DLGAP2: variants seen among roughly 807,000 people sequenced by gnomAD.
The protein encoded by DLGAP2 is DLG associated protein 2.
DLGAP2 carries 26 observed loss-of-function variants against 100.3 expected under a neutral mutation model. The ratio of observed to expected loss-of-function variants is 0.26; its 90% CI spans 0.19 to 0.36. The LOEUF is 0.36. DLGAP2 is among the 10% of genes least tolerant of loss of function. DLGAP2 has a pLI of 1.00. For synonymous variants in DLGAP2, 886 were observed against 630.1 expected (o/e 1.41, Z -6.08); for missense variants, 1,858 against 1,453.2 (o/e 1.28, Z -4.53).
rs537035609 is a variant in DLGAP2 at position 1,220,492 on chromosome 8, T to G, written c.74-38359T>G. ...TGTGCTTGGTATGATTTGGGTTTAT[T>G]TCAATTTGTTGAGAATGGCTGTATG... is the stretch of plus-strand genomic sequence containing the variant. On this transcript the variant is annotated intron_variant, in intron 2 of 14. Coordinates refer to ENST00000637795, the MANE Select transcript of DLGAP2 (RefSeq NM_001346810.2). Among the ~76,000 whole-genome samples, 5 of 152,320 alleles carry G rather than the reference T, an allele frequency of 3.3e-5. No individual in the cohort carries two copies. In the East Asian group the frequency reaches 5.8e-4, roughly 18 times the overall value.
intron 3 of DLGAP2, among the ~76,000 whole-genome samples, chr8:1,311,021 G>C (rs1195940042): frequency 6.6e-6 from 1 of 151,280 alleles, no homozygotes; most frequent in Non-Finnish European, 1.5e-5. Flanking sequence ...TCAAAATATT[G>C]GCAAACCTTG....
Position 1,603,538 on chromosome 8 carries a change from C to T in DLGAP2, c.1443-23202C>T, listed in dbSNP as rs116061626. Among the ~76,000 whole-genome samples, 1,384 of 151,178 alleles carry T rather than the reference C, an allele frequency of 9.2e-3. 25 individuals are homozygous for T. The highest frequency in any genetic ancestry group is 0.032 in the African/African-American group (1,310 of 41,022). Reference sequence around the variant, plus strand: ...GCTGGTTAGAGTGGAGTCTGGGTCTCAGTTCTGCAGAGCTTGGTTAGGGTG... The same window carrying T: ...GCTGGTTAGAGTGGAGTCTGGGTCTTAGTTCTGCAGAGCTTGGTTAGGGTG... On this transcript the variant is annotated intron_variant, in intron 6 of 14. Coordinates refer to ENST00000637795, the MANE Select transcript of DLGAP2 (RefSeq NM_001346810.2).
chr8:1,102,870 T>G (rs1804630786), intron 2 of DLGAP2, among the ~76,000 whole-genome samples: 1 of 151,386 alleles, frequency 6.6e-6, no homozygotes, highest in Non-Finnish European at 1.5e-5. Context: ...TGTGAGTCTC[T>G]GGGGTCTCTG....
chr8:1,278,180 C>T (rs768489267), intron 3 of DLGAP2, among the ~76,000 whole-genome samples: 1 of 152,182 alleles, frequency 6.6e-6, no homozygotes. Flanking sequence ...GCTCTTTCTC[C>T]TCCACCAAAG....
intron 2 of DLGAP2, among the ~76,000 whole-genome samples, chr8:1,160,548 C>A (rs1796870015): frequency 6.6e-6 from 1 of 152,176 alleles, no homozygotes; most frequent in African/African-American, 2.4e-5. Flanking sequence ...GCTTTGGATG[C>A]CTTTATCTTA....
intron 3 of DLGAP2, among the ~76,000 whole-genome samples, chr8:1,408,018 A>C (rs1796620381): frequency 6.6e-6 from 1 of 152,212 alleles, no homozygotes; most frequent in Non-Finnish European, 1.5e-5. Flanking sequence ...TGGACTCAGC[A>C]CTGGATGCCA....
In DLGAP2 at chr8:951,264, A is replaced by G. The variant is rs537480956; in HGVS notation, c.73+43298A>G. Among the ~76,000 whole-genome samples the G allele has an allele frequency of 2.3e-4, 35 of 152,268 alleles. No individual in the cohort carries two copies. The East Asian group carries it at 5.4e-3, about 24-fold the overall frequency. ...GCAGTGACTCTGTGTCTTTTCACAC[A>G]TTGGATAAATGTATTCTGTTGCCCT... On this transcript the variant is annotated intron_variant, in intron 2 of 14. Coordinates refer to ENST00000637795, the MANE Select transcript of DLGAP2 (RefSeq NM_001346810.2).
intron 6 of DLGAP2, among the ~76,000 whole-genome samples, chr8:1,595,034 TC>T (rs1212105965): frequency 2.0e-5 from 3 of 151,782 alleles, no homozygotes; most frequent in Non-Finnish European, 1.5e-5. Flanking sequence ...TCCTGGGGTT[TC>T]TTTTTTTTTC....
intron 1 of DLGAP2, among the ~76,000 whole-genome samples, chr8:893,979 G>A (rs569005239): frequency 6.0e-4 from 91 of 152,326 alleles, no homozygotes; most frequent in African/African-American, 1.9e-3. Flanking sequence ...CTGTCGGCCC[G>A]AGGCTTCGAG....
chr8:1,314,408 A>G (rs916406871), intron 3 of DLGAP2, among the ~76,000 whole-genome samples: 1 of 152,220 alleles, frequency 6.6e-6, no homozygotes, highest in Non-Finnish European at 1.5e-5. Context: ...ATTAAAGGGC[A>G]CACAATATTT....
intron 1 of DLGAP2, among the ~76,000 whole-genome samples, chr8:792,924 G>T (rs1296563517): frequency 3.9e-5 from 6 of 152,068 alleles, no homozygotes; most frequent in African/African-American, 1.5e-4. Context: ...CATTTCTATT[G>T]TGCTTTTCTA....
intron 2 of DLGAP2, among the ~76,000 whole-genome samples, chr8:1,074,631 T>G (rs764361052): frequency 7.9e-5 from 12 of 152,310 alleles, no homozygotes; most frequent in Non-Finnish European, 1.5e-4. Flanking sequence ...AAGGTGAAGA[T>G]GAGGCGTTTG....
chr8:1,459,974 G>A (rs188471324), intron 3 of DLGAP2, among the ~76,000 whole-genome samples: 6 of 152,236 alleles, frequency 3.9e-5, no homozygotes, highest in East Asian at 1.9e-4. Context: ...ACAGAGGTTC[G>A]GGACCTCGGG....
At chr8:804,118 GC>G (rs1796222259) in intron 1 of DLGAP2, among the ~76,000 whole-genome samples, 1 of 152,082 alleles carries the variant, frequency 6.6e-6, no homozygotes, top group South Asian at 2.1e-4. Flanking sequence ...CCCATGCATG[GC>G]CCTGTAGGAT....
In DLGAP2 at chr8:1,275,883, A is replaced by ATAT. The variant is rs1563056369; in HGVS notation, c.106+17000_106+17001insTAT. On this transcript the variant is annotated intron_variant, in intron 3 of 14. Coordinates refer to ENST00000637795, the MANE Select transcript of DLGAP2 (RefSeq NM_001346810.2). ...ATATAAATATATATAATATATAAAT[A>ATAT]AATATATAATATATAAATATATATA... Among the ~76,000 whole-genome samples, 15 of 41,910 alleles carry ATAT rather than the reference A, an allele frequency of 3.6e-4. 1 individual carries two copies. Among genetic ancestry groups the ATAT allele is most frequent in the African/African-American group, 1.3e-3 (11 of 8,788 alleles). The allele number at this position is 41,910 out of a possible 152,430, so 27.5% of individuals were successfully genotyped here. A position where few individuals can be genotyped will look rare whatever the true frequency, so the allele number is the denominator to read the frequency against.
intron 2 of DLGAP2, among the ~76,000 whole-genome samples, chr8:1,114,253 T>C (rs971580351): frequency 1.3e-5 from 2 of 152,166 alleles, no homozygotes; most frequent in African/African-American, 4.8e-5. Context: ...CAGTTTTTTT[T>C]AATAGGTTCA....
At chr8:1,527,153 C>G (rs1187820182) in intron 4 of DLGAP2, among the ~76,000 whole-genome samples, 1 of 152,278 alleles carries the variant, frequency 6.6e-6, no homozygotes, top group African/African-American at 2.4e-5. Flanking sequence ...ATCCAACCCT[C>G]TCCTGTGAGT....
At chr8:1,664,233 G>GGT (rs371112502) in intron 8 of DLGAP2, among the ~76,000 whole-genome samples, 25 of 152,196 alleles carry the variant, frequency 1.6e-4, no homozygotes, top group African/African-American at 6.0e-4. Flanking sequence ...TGGTGGCATC[G>GGT]GTGCGTCTAC....
intron 1 of DLGAP2, among the ~76,000 whole-genome samples, chr8:812,787 A>C (rs757574297): frequency 6.6e-6 from 1 of 152,236 alleles, no homozygotes; most frequent in Non-Finnish European, 1.5e-5. Context: ...TTGAGAAATG[A>C]GATCAAAATT....
Sources: gnomAD v4.1 joint callset for allele counts (sites outside exome capture counted in the v4.1 genomes callset) on GRCh38, gnomAD v4.1.1 for gene constraint, MANE v1.5 for transcripts, NCBI Gene and HGNC (gene_info 2026-07-23, HGNC 2026-07-21) for gene names.